Variants in PIP5K1B observed in about 807,000 individuals in gnomAD.
The protein encoded by PIP5K1B is phosphatidylinositol-4-phosphate 5-kinase type 1 beta.
Under a neutral mutation model 67.0 loss-of-function variants are expected in PIP5K1B, and 42 were observed. The ratio of observed to expected loss-of-function variants is 0.63; its 90% CI spans 0.49 to 0.81. The LOEUF is 0.81. Among genes scored for constraint, PIP5K1B ranks in the 30% least tolerant of loss-of-function variants. The probability of loss-of-function intolerance (pLI) is 0.00; values close to 1 mark genes in which losing one functional copy is unlikely to be tolerated. For missense variants in PIP5K1B, 459 were observed against 646.3 expected, an observed-to-expected ratio of 0.71 and a Z score of 3.14; for synonymous variants, 214 against 231.4, an observed-to-expected ratio of 0.92 and a Z score of 0.68.
Position 68,913,034 on chromosome 9 carries a change from G to GCTTTGACATTGA in PIP5K1B, c.772-4497_772-4486dup, listed in dbSNP as rs1159439226. ...GTGTCTTCAGGGTACTCTAGCAGCT[G>GCTTTGACATTGA]CTTTGACATTGACTTTGACATTGAC... On this transcript the variant is annotated intron_variant, in intron 8 of 15. Transcript: ENST00000265382. 4.6e-5 allele frequency among the ~76,000 whole-genome samples: 7 copies of GCTTTGACATTGA among 152,338 alleles called. No individual in the cohort carries two copies. In the South Asian group the frequency reaches 8.3e-4, roughly 18 times the overall value.
chr9:68,960,143 C>A (rs1472006673), intron 14 of PIP5K1B, among the ~76,000 whole-genome samples: 1 of 152,168 alleles, frequency 6.6e-6, no homozygotes, highest in Non-Finnish European at 1.5e-5. Context: ...GCTAACGTCA[C>A]TCATAAGAAA....
chr9:68,776,471 A>G (rs930530129), intron 2 of PIP5K1B, among the ~76,000 whole-genome samples: 17 of 149,752 alleles, frequency 1.1e-4, no homozygotes, highest in Non-Finnish European at 8.9e-5. Flanking sequence ...GTCATTTTTA[A>G]GCTATTTATT....
intron 4 of PIP5K1B, among the ~76,000 whole-genome samples, chr9:68,830,883 A>G (rs539220263): frequency 5.9e-5 from 9 of 152,304 alleles, no homozygotes; most frequent in African/African-American, 1.7e-4. Context: ...AGCTCAGCCA[A>G]CCTGGTTCCG....
chr9:68,963,276 A>G, intron 14 of PIP5K1B: 1 of 450,806 alleles, frequency 2.2e-6, no homozygotes, highest in Non-Finnish European at 4.4e-6. Context: ...GCCGAGGCAG[A>G]CTGATCTCTT....
Position 68,940,765 on chromosome 9 carries a change from G to A in PIP5K1B, c.1477G>A (p.Asp493Asn), listed in dbSNP as rs145998457. 28 of 1,613,670 alleles carry A rather than the reference G, an allele frequency of 1.7e-5. No individual in the cohort carries two copies. The highest frequency in any genetic ancestry group is 1.2e-4 in the Admixed American group (7 of 59,976). The change falls in exon 14 of 16, where the codon GAC (aspartate) becomes AAC (asparagine). Residue 493 changes from aspartate (D) to asparagine (N), a missense_variant. Physicochemically the swap from Asp to Asn is conservative, Grantham distance 23. This residue lies in a region of PIP5K1B where 169 missense variants were observed against 171.9 expected (regional missense o/e 0.98). Transcript: ENST00000265382. ...SLYVNEHYPHDRPTLYSNSKG... is the reference protein window; with the variant it reads ...SLYVNEHYPHNRPTLYSNSKG... ...ATACGTCAATGAGCACTATCCACAC[G>A]ACAGGCCTACACTCTATTCAAACAG... is the stretch of plus-strand genomic sequence containing the variant.
intron 2 of PIP5K1B, among the ~76,000 whole-genome samples, chr9:68,794,240 T>A (rs1832160422): frequency 6.6e-6 from 1 of 152,200 alleles, no homozygotes; most frequent in African/African-American, 2.4e-5. Flanking sequence ...TGGGTTCTTC[T>A]AGATTCTTGA....
At chr9:68,978,001 GT>G (rs1329080184) in intron 14 of PIP5K1B, among the ~76,000 whole-genome samples, 4 of 152,026 alleles carry the variant, frequency 2.6e-5, no homozygotes, top group African/African-American at 7.2e-5. Context: ...ACTTTTGGGG[GT>G]TTTTAGGGTT....
chr9:68,845,319 T>G (rs529093192), intron 4 of PIP5K1B, among the ~76,000 whole-genome samples: 1 of 152,204 alleles, frequency 6.6e-6, no homozygotes, highest in Non-Finnish European at 1.5e-5. Context: ...ACTTCTCTTT[T>G]TCTACCTTTG....
At chr9:68,839,639 C>G (rs1821809790) in intron 4 of PIP5K1B, among the ~76,000 whole-genome samples, 1 of 152,158 alleles carries the variant, frequency 6.6e-6, no homozygotes, top group Non-Finnish European at 1.5e-5. Context: ...TTATCAAAAT[C>G]TGTCATGAGA....
At position 68,872,880 on chromosome 9, in the gene PIP5K1B, T is replaced by C. The variant is rs376314660; in HGVS notation, c.201-3797T>C. ...ATTGTGTAGCTGAATCATAATTAAT[T>C]AGACAAGTTCTCTCCTGAAGGCCAT... On this transcript the variant is annotated intron_variant, in intron 5 of 15. Transcript: ENST00000265382. 1.6e-4 allele frequency among the ~76,000 whole-genome samples: 25 copies of C among 152,322 alleles called. 1 individual carries two copies. Among genetic ancestry groups the C allele is most frequent in the African/African-American group, 4.8e-4 (20 of 41,566 alleles).
intron 2 of PIP5K1B, among the ~76,000 whole-genome samples, chr9:68,787,564 A>G (rs2132483269): frequency 6.6e-6 from 1 of 152,266 alleles, no homozygotes; most frequent in Middle Eastern, 3.4e-3. Flanking sequence ...TCTCCTGCAT[A>G]GATCAGATCC....
intron 2 of PIP5K1B, among the ~76,000 whole-genome samples, chr9:68,743,222 T>G (rs1374478197): frequency 2.0e-5 from 3 of 151,972 alleles, no homozygotes; most frequent in Non-Finnish European, 4.4e-5. Context: ...TTTTTTTTTT[T>G]TTCGAAACAG....
At chr9:68,945,376 C>T (rs1827752408) in intron 14 of PIP5K1B, among the ~76,000 whole-genome samples, 2 of 152,084 alleles carry the variant, frequency 1.3e-5, no homozygotes, top group African/African-American at 4.8e-5. Flanking sequence ...GAACTCCTGA[C>T]CTCAAGTGAT....
In PIP5K1B at chr9:68,986,274, G is replaced by A. The variant is rs114198740; in HGVS notation, c.1503-4866G>A. Among the ~76,000 whole-genome samples the A allele has an allele frequency of 2.7e-3, 407 of 151,722 alleles. 2 individuals carry two copies. The highest frequency in any genetic ancestry group is 9.1e-3 in the African/African-American group (377 of 41,286). ...AAGTTTAATTTTTCTGATTTTCTAT[G>A]ATAACTATCCCAGTAGTTGTGAAAG... On this transcript the variant is annotated intron_variant, in intron 14 of 15. Transcript: ENST00000265382.
intron 12 of PIP5K1B, among the ~76,000 whole-genome samples, chr9:68,929,209 A>G (rs1195390779): frequency 1.3e-5 from 2 of 150,902 alleles, no homozygotes. Flanking sequence ...CTGTATCCCC[A>G]GCACTTAATG....
At chr9:68,803,133 G>A (rs1486718270) in intron 2 of PIP5K1B, among the ~76,000 whole-genome samples, 1 of 152,180 alleles carries the variant, frequency 6.6e-6, no homozygotes, top group African/African-American at 2.4e-5. Flanking sequence ...AGGAGGAATT[G>A]GGATGGCCCC....
At chr9:68,805,672 T>C (rs1832835868) in intron 2 of PIP5K1B, among the ~76,000 whole-genome samples, 1 of 152,146 alleles carries the variant, frequency 6.6e-6, no homozygotes, top group Non-Finnish European at 1.5e-5. Flanking sequence ...CGAGCTGTCA[T>C]CACCTGTCAC....
intron 6 of PIP5K1B, among the ~76,000 whole-genome samples, chr9:68,886,968 C>T (rs1272136337): frequency 1.3e-5 from 2 of 152,170 alleles, no homozygotes; most frequent in African/African-American, 2.4e-5. Flanking sequence ...GCCTTGAGCC[C>T]ACCACATCTC....
At chr9:68,874,740 A>G (rs1823790860) in intron 5 of PIP5K1B, among the ~76,000 whole-genome samples, 1 of 152,218 alleles carries the variant, frequency 6.6e-6, no homozygotes, top group Non-Finnish European at 1.5e-5. Context: ...AATCTGCTCC[A>G]GTAGAATGAG....
Sources: allele counts gnomAD v4.1 joint callset (sites outside exome capture counted in the v4.1 genomes callset), GRCh38; gene constraint gnomAD v4.1.1; regional missense constraint gnomAD v4.1.1; transcripts MANE v1.5; gene names NCBI Gene and HGNC (gene_info 2026-07-23, HGNC 2026-07-21).